The following ADGRF5 variants were observed in gnomAD, a reference collection of about 807,000 sequenced individuals.
The protein encoded by ADGRF5 is adhesion G protein-coupled receptor F5.
A neutral mutation model predicts 132.3 loss-of-function variants in ADGRF5; 75 were observed. The ratio of observed to expected loss-of-function variants is 0.57; its 90% CI spans 0.47 to 0.69. The LOEUF (loss-of-function observed/expected upper bound fraction) is 0.69, where lower values mean the gene tolerates loss of function less well. Ranked by LOEUF, ADGRF5 falls within the 30% of genes least tolerant of loss-of-function variation. ADGRF5 has a pLI of 0.00. For synonymous variants in ADGRF5, 629 were observed against 597.6 expected, an observed-to-expected ratio of 1.05 and a Z score of -0.77; for missense variants, 1,516 against 1,630.6, an observed-to-expected ratio of 0.93 and a Z score of 1.21.
intron 4 of ADGRF5, 75 bp from the exon 5 acceptor site, chr6:46,884,346 G>A (rs891252584): frequency 2.6e-6 from 3 of 1,167,120 alleles, no homozygotes; most frequent in Non-Finnish European, 3.7e-6. Context: ...TAGCCTGCAG[G>A]TATTCATTCT....
Position 46,878,065 on chromosome 6 carries a change from C to T in ADGRF5, c.1240+137G>A, listed in dbSNP as rs563306423. ...TGGCTAAGCTGGAGCTGGCATCAAA[C>T]CTAATGCCTTTTCACAGTCTGAAAT... On this transcript the variant is annotated intron_variant, in intron 10 of 20. Transcript: ENST00000283296. The T allele has an allele frequency of 6.1e-6, 4 of 659,060 alleles. No individual in the cohort carries two copies. The African/African-American group carries it at 7.2e-5, about 12-fold the overall frequency. 40.8% of individuals were successfully genotyped at this position (659,060 alleles called of 1,614,324 possible).
Position 46,858,678 on chromosome 6 carries a change from C to G in ADGRF5, c.3225G>C (p.Gln1075His). 2 of 1,614,138 alleles carry G rather than the reference C, an allele frequency of 1.2e-6. No individual in the cohort carries two copies. The highest frequency in any genetic ancestry group is 1.7e-6 in the Non-Finnish European group (2 of 1,180,034). Residue 1075 changes from glutamine to histidine, a missense_variant, in exon 17 of 21, where the codon CAG (glutamine) becomes CAC (histidine). Gln to His is a conservative substitution (Grantham distance 24). Around this residue, in one of 2 missense-constraint regions of ADGRF5, gnomAD observed 571 missense variants for 701.2 expected, o/e 0.81. Transcript: ENST00000283296. The stretch of plus-strand genomic sequence containing the variant: ...TCTTGCAGAGTATGTAGCGATTGTC[C>G]TGGATGGCAGCGACCACAATGAACC... ...NTWFIVVAAIQDNRYILCKTA... is the reference protein window; with the variant it reads ...NTWFIVVAAIHDNRYILCKTA...
At chr6:46,926,028 T>A (rs1777227911), upstream of ADGRF5, among the ~76,000 whole-genome samples, 1 of 152,226 alleles carries the variant, frequency 6.6e-6, no homozygotes, top group African/African-American at 2.4e-5. Flanking sequence ...CCTTTGGCAC[T>A]GATCTGTCCT....
intron 1 of ADGRF5, among the ~76,000 whole-genome samples, chr6:46,908,261 GAAATCATAGC>G (rs1300364661): frequency 6.6e-5 from 10 of 152,180 alleles, no homozygotes; most frequent in Admixed American, 2.6e-4. Context: ...CTGCTATGGG[GAAATCATAGC>G]AATGTACTGC....
chr6:46,862,703 C>CTTTTTTT lies in ADGRF5; in HGVS notation c.2199+178_2199+184dup, dbSNP rs67565937. On this transcript the variant is annotated intron_variant, in intron 15 of 20. Transcript: ENST00000283296. The stretch of plus-strand genomic sequence containing the variant: ...AGTTGTCTTAGTATTTGAATTGAGG[C>CTTTTTTT]TTTTTTTTTTTTTTTTTTTTTTTTT... Among the ~76,000 whole-genome samples, 27 of 26,510 alleles carry CTTTTTTT rather than the reference C, an allele frequency of 1.0e-3. 1 individual carries two copies. Among genetic ancestry groups the CTTTTTTT allele is most frequent in the Non-Finnish European group, 1.3e-3 (22 of 16,700 alleles). 17.4% of individuals were successfully genotyped at this position (26,510 alleles called of 152,430 possible). A position where few individuals can be genotyped will look rare whatever the true frequency, so the allele number is the denominator to read the frequency against.
At position 46,903,076 on chromosome 6, in the gene ADGRF5, G is replaced by A. The variant is rs544167116; in HGVS notation, c.103-2993C>T. 4.6e-5 allele frequency among the ~76,000 whole-genome samples: 7 copies of A among 152,288 alleles called. No individual in the cohort carries two copies. The South Asian group carries it at 1.4e-3, about 32-fold the overall frequency. Reference sequence around the variant, plus strand: ...GCAGTCTCTGGTAGTGGTGAGTGTCGTGTATCCTGCCGGCATGGGGCTCAC... The same window carrying A: ...GCAGTCTCTGGTAGTGGTGAGTGTCATGTATCCTGCCGGCATGGGGCTCAC... On this transcript the variant is annotated intron_variant, in intron 2 of 20. Coordinates refer to ENST00000283296, the MANE Select transcript of ADGRF5 (RefSeq NM_001098518.2).
At chr6:46,898,394 G>T (rs1321038037) in intron 3 of ADGRF5, among the ~76,000 whole-genome samples, 2 of 152,184 alleles carry the variant, frequency 1.3e-5, no homozygotes, top group Non-Finnish European at 2.9e-5. Flanking sequence ...ATAGAGTGCA[G>T]AAAAGTTTAA....
rs1769430056 is a variant in ADGRF5 at position 46,859,209 on chromosome 6, G to A, written c.2694C>T (p.Val898=). The change falls in exon 17 of 21, where the codon GTC becomes GTT. Residue 898 remains valine (V), a synonymous_variant. Transcript: ENST00000283296. Reference sequence around the variant, plus strand: ...CTTGGAGAGTTGGGAAAGCCATGGTGACAATAGACGAATCCGACTGCAAGT... The same window carrying A: ...CTTGGAGAGTTGGGAAAGCCATGGTAACAATAGACGAATCCGACTGCAAGT... The part of the protein sequence containing the change: ...LENLQSDSSI[V]TMAFPTLQAI... 6.2e-7 allele frequency: 1 copy of A among 1,614,050 alleles called. No individual in the cohort carries two copies. Among genetic ancestry groups the A allele is most frequent in the South Asian group, 1.1e-5 (1 of 91,046 alleles).
At chr6:46,932,504 T>C (rs1256131146) in intron 1 of ADGRF5, among the ~76,000 whole-genome samples, 1 of 152,194 alleles carries the variant, frequency 6.6e-6, no homozygotes, top group Non-Finnish European at 1.5e-5. Flanking sequence ...CACAAGGGTT[T>C]TCTGTGCACA....
chr6:46,891,581 C>T (rs1773642821), intron 3 of ADGRF5, among the ~76,000 whole-genome samples: 1 of 152,336 alleles, frequency 6.6e-6, no homozygotes, highest in African/African-American at 2.4e-5. Flanking sequence ...ATCATATCCA[C>T]TTCATTACTG....
intron 3 of ADGRF5, among the ~76,000 whole-genome samples, chr6:46,890,032 C>T (rs1420986547): frequency 6.6e-6 from 1 of 151,950 alleles, no homozygotes; most frequent in Non-Finnish European, 1.5e-5. Flanking sequence ...AAGCCATGGC[C>T]ACAGTTAATA....
At chr6:46,918,989 A>G (rs1242274307) in intron 1 of ADGRF5, among the ~76,000 whole-genome samples, 1 of 152,112 alleles carries the variant, frequency 6.6e-6, no homozygotes, top group Non-Finnish European at 1.5e-5. Flanking sequence ...CCCTGGCCCC[A>G]TCCTCAGAGA....
chr6:46,897,829 C>A (rs1197844570), intron 3 of ADGRF5, among the ~76,000 whole-genome samples: 1 of 152,200 alleles, frequency 6.6e-6, no homozygotes, highest in African/African-American at 2.4e-5. Flanking sequence ...CAGGCGTGAG[C>A]CACCACGCTG....
At chr6:46,887,749 T>A (rs1404216484) in intron 4 of ADGRF5, among the ~76,000 whole-genome samples, 1 of 152,206 alleles carries the variant, frequency 6.6e-6, no homozygotes, top group Non-Finnish European at 1.5e-5. Flanking sequence ...CAACTTCTAC[T>A]GTATACCAAG....
At position 46,858,060 on chromosome 6, in the gene ADGRF5, T is replaced by G. The variant is rs1209569362; in HGVS notation, c.3774+69A>C. The G allele has an allele frequency of 6.7e-6, 8 of 1,187,002 alleles. No individual in the cohort carries two copies. In the African/African-American group the frequency reaches 9.2e-5, roughly 14 times the overall value. 73.5% of individuals were successfully genotyped at this position (1,187,002 alleles called of 1,614,324 possible). Reference sequence around the variant, plus strand: ...ATCCTTCCCCATTCCTACTCTTGTTTGTGTTTCTATCATTAATTTGTCCTA... The same window carrying G: ...ATCCTTCCCCATTCCTACTCTTGTTGGTGTTTCTATCATTAATTTGTCCTA... On this transcript the variant is annotated intron_variant, in intron 17 of 20. Transcript: ENST00000283296.
At chr6:46,911,997 C>T (rs111665095) in intron 1 of ADGRF5, among the ~76,000 whole-genome samples, 1 of 151,700 alleles carries the variant, frequency 6.6e-6, no homozygotes, top group Non-Finnish European at 1.5e-5. Context: ...AACTCAGCAC[C>T]GACAATATTA....
chr6:46,852,896 A>G lies in ADGRF5; in HGVS notation c.*1096T>C, dbSNP rs1174378776. The G allele has an allele frequency of 6.6e-6, 1 of 152,626 alleles. No homozygotes were observed. The highest frequency in any genetic ancestry group is 1.5e-5 in the Non-Finnish European group (1 of 68,032). 9.5% of individuals were successfully genotyped at this position (152,626 alleles called of 1,614,324 possible). A position where few individuals can be genotyped will look rare whatever the true frequency, so the allele number is the denominator to read the frequency against. On this transcript the variant is annotated 3_prime_UTR_variant, in exon 21 of 21. Transcript: ENST00000283296. ...AACACACCAAGGGCCAGTATCCACAATAATAATAACAGTGACAACAGCAAT... is the reference window on the plus strand; with the variant it reads ...AACACACCAAGGGCCAGTATCCACAGTAATAATAACAGTGACAACAGCAAT...
intron 1 of ADGRF5, among the ~76,000 whole-genome samples, chr6:46,946,861 G>A (rs1244094963): frequency 6.6e-6 from 1 of 152,172 alleles, no homozygotes; most frequent in Admixed American, 6.5e-5. Flanking sequence ...ACTGGGCTTC[G>A]CTAGTGCTTG....
chr6:46,941,411 GA>G (rs1477197961), intron 1 of ADGRF5, among the ~76,000 whole-genome samples: 1 of 33,258 alleles, frequency 3.0e-5, no homozygotes, highest in African/African-American at 1.4e-4. Context: ...GAAAAGAAAA[GA>G]AAAGAAAAGA....
Sources: gnomAD v4.1 joint callset for allele counts (sites outside exome capture counted in the v4.1 genomes callset) on GRCh38, gnomAD v4.1.1 for gene constraint, gnomAD v4.1.1 regional missense constraint, MANE v1.5 for transcripts, NCBI Gene and HGNC (gene_info 2026-07-23, HGNC 2026-07-21) for gene names.